EFNA5: variants seen among roughly 807,000 people sequenced by gnomAD.
EFNA5 encodes ephrin-A5.
Under a neutral mutation model 22.9 loss-of-function variants are expected in EFNA5, and 5 were observed. The observed-to-expected ratio is 0.22, with a 90% CI of 0.11 to 0.46. The LOEUF (loss-of-function observed/expected upper bound fraction) is 0.46, where lower values mean the gene tolerates loss of function less well. EFNA5 is among the 20% of genes least tolerant of loss of function. The pLI, the probability that EFNA5 is intolerant of heterozygous loss-of-function variation, is 0.99. For missense variants in EFNA5, 237 were observed against 293.3 expected, an observed-to-expected ratio of 0.81 and a Z score of 1.40; for synonymous variants, 113 against 112.2, an observed-to-expected ratio of 1.01 and a Z score of -0.04.
chr5:107,619,897 A>G (rs1750000776), intron 1 of EFNA5, among the ~76,000 whole-genome samples: 1 of 152,166 alleles, frequency 6.6e-6, no homozygotes, highest in Admixed American at 6.5e-5. Flanking sequence ...CAGAGCTAAG[A>G]CCTTTGTTTC....
At chr5:107,612,770 C>A (rs1419851897) in intron 1 of EFNA5, among the ~76,000 whole-genome samples, 2 of 152,074 alleles carry the variant, frequency 1.3e-5, no homozygotes, top group Non-Finnish European at 2.9e-5. Flanking sequence ...CAGGGAAAGC[C>A]TACTTAATGA....
At chr5:107,632,901 C>T (rs944263692) in intron 1 of EFNA5, among the ~76,000 whole-genome samples, 4 of 152,180 alleles carry the variant, frequency 2.6e-5, no homozygotes, top group African/African-American at 9.7e-5. Context: ...TGAAATAACT[C>T]CACCAAGATT....
chr5:107,412,241 G>A (rs1467935724), intron 2 of EFNA5, among the ~76,000 whole-genome samples: 2 of 152,174 alleles, frequency 1.3e-5, no homozygotes, highest in Non-Finnish European at 2.9e-5. Context: ...TTTTATTAGT[G>A]AAGTGACAAA....
chr5:107,563,832 G>A (rs911373439), intron 1 of EFNA5, among the ~76,000 whole-genome samples: 2 of 152,060 alleles, frequency 1.3e-5, no homozygotes, highest in African/African-American at 4.8e-5. Context: ...CTGGGCTTTC[G>A]GTCTCCAGTC....
intron 2 of EFNA5, among the ~76,000 whole-genome samples, chr5:107,401,906 T>A (rs1748096693): frequency 2.0e-5 from 3 of 152,190 alleles, no homozygotes; most frequent in Admixed American, 2.0e-4. Context: ...ATCTATCTGC[T>A]CTGTAGGAAC....
At chr5:107,557,986 G>T in intron 1 of EFNA5, among the ~76,000 whole-genome samples, 1 of 152,084 alleles carries the variant, frequency 6.6e-6, no homozygotes, top group East Asian at 1.9e-4. Context: ...TACCCCCACG[G>T]TATAGGTGGG....
At chr5:107,667,084 T>C (rs556536063) in intron 1 of EFNA5, among the ~76,000 whole-genome samples, 1 of 152,240 alleles carries the variant, frequency 6.6e-6, no homozygotes, top group East Asian at 1.9e-4. Flanking sequence ...AGAATAATAT[T>C]AAAAGGATGA....
intron 1 of EFNA5, among the ~76,000 whole-genome samples, chr5:107,633,846 AC>A (rs1275016721): frequency 6.6e-6 from 1 of 152,196 alleles, no homozygotes; most frequent in Non-Finnish European, 1.5e-5. Context: ...ATCACAGGCC[AC>A]AGATCCAAAG....
intron 1 of EFNA5, among the ~76,000 whole-genome samples, chr5:107,617,269 G>A (rs1314159920): frequency 6.6e-6 from 1 of 151,338 alleles, no homozygotes. Context: ...AAGAGAGAGA[G>A]AGAGAACCAC....
chr5:107,649,728 G>C (rs1392615012), intron 1 of EFNA5, among the ~76,000 whole-genome samples: 2 of 152,082 alleles, frequency 1.3e-5, no homozygotes, highest in Non-Finnish European at 2.9e-5. Flanking sequence ...TAATAATACA[G>C]AAATACATTT....
intron 1 of EFNA5, among the ~76,000 whole-genome samples, chr5:107,608,993 C>T (rs995175910): frequency 1.3e-5 from 2 of 152,216 alleles, no homozygotes; most frequent in African/African-American, 4.8e-5. Flanking sequence ...TTCCTGGTTG[C>T]TCTCTTCATC....
At chr5:107,572,062 G>C (rs957750505) in intron 1 of EFNA5, among the ~76,000 whole-genome samples, 5 of 152,256 alleles carry the variant, frequency 3.3e-5, no homozygotes, top group African/African-American at 1.2e-4. Flanking sequence ...CGGGACCTTA[G>C]AGGGCAAAAT....
intron 1 of EFNA5, among the ~76,000 whole-genome samples, chr5:107,551,351 A>T (rs778358550): frequency 6.6e-5 from 10 of 152,296 alleles, no homozygotes; most frequent in Middle Eastern, 3.4e-3. Flanking sequence ...TGCCACAGAC[A>T]ATCTGTAACA....
At chr5:107,424,652 C>A (rs936891721) in intron 2 of EFNA5, among the ~76,000 whole-genome samples, 8 of 152,150 alleles carry the variant, frequency 5.3e-5, no homozygotes, top group African/African-American at 1.9e-4. Flanking sequence ...AGCAATAGAG[C>A]ATCTTGTAAC....
chr5:107,613,673 C>T (rs1749864237), intron 1 of EFNA5, among the ~76,000 whole-genome samples: 1 of 151,902 alleles, frequency 6.6e-6, no homozygotes, highest in Admixed American at 6.6e-5. Flanking sequence ...GTAAATGACC[C>T]CAATAAGAGA....
chr5:107,571,460 A>C (rs545141736), intron 1 of EFNA5, among the ~76,000 whole-genome samples: 221 of 143,494 alleles, frequency 1.5e-3, no homozygotes, highest in African/African-American at 5.1e-3. Context: ...TCCAAGTTTC[A>C]AAAAACAAAA....
chr5:107,512,954 T>G (rs891233524), intron 1 of EFNA5, among the ~76,000 whole-genome samples: 12 of 152,076 alleles, frequency 7.9e-5, no homozygotes, highest in Non-Finnish European at 1.6e-4. Flanking sequence ...CTTGATGAGG[T>G]CTCCTTTGAT....
chr5:107,405,435 T>C (rs886324475), intron 2 of EFNA5, among the ~76,000 whole-genome samples: 2 of 152,228 alleles, frequency 1.3e-5, no homozygotes, highest in African/African-American at 4.8e-5. Context: ...TGCAGCAGAT[T>C]CACTCATTTT....
At chr5:107,601,017 C>T (rs1341643326) in intron 1 of EFNA5, among the ~76,000 whole-genome samples, 1 of 152,066 alleles carries the variant, frequency 6.6e-6, no homozygotes, top group Admixed American at 6.6e-5. Context: ...ACCTTCAAAC[C>T]TGGTAAATGT....
Sources: gnomAD v4.1 joint callset for allele counts (sites outside exome capture counted in the v4.1 genomes callset) on GRCh38, gnomAD v4.1.1 for gene constraint, MANE v1.5 for transcripts, NCBI Gene and HGNC (gene_info 2026-07-23, HGNC 2026-07-21) for gene names.